NALF1: variants seen among roughly 807,000 people sequenced by gnomAD.
The protein encoded by NALF1 is NALCN channel auxiliary factor 1, also known as family with sequence similarity 155 member A.
A neutral mutation model predicts 48.4 loss-of-function variants in NALF1; 3 were observed. That is an observed-to-expected ratio of 0.06 (90% CI 0.03 to 0.16). The LOEUF is 0.16. NALF1 is among the 10% of genes least tolerant of loss of function. The pLI is 1.00. For missense variants in NALF1, 526 were observed against 571.5 expected (o/e 0.92, Z 0.81); for synonymous variants, 262 against 245.7 (o/e 1.07, Z -0.62).
chr13:107,266,726 C>CA lies in NALF1; in HGVS notation c.916-55972dup, dbSNP rs1169204466. Among the ~76,000 whole-genome samples, 6 of 152,044 alleles carry CA rather than the reference C, an allele frequency of 3.9e-5. No homozygotes were observed. The South Asian group carries it at 1.0e-3, about 26-fold the overall frequency. On this transcript the variant is annotated intron_variant, in intron 1 of 2. Coordinates refer to ENST00000375915, the MANE Select transcript of NALF1 (RefSeq NM_001080396.3). ...CACCTCACAATGCAATTTTTAGGGT[C>CA]AAAAAAACCCACAGGAAATAAAAGT...
intron 1 of NALF1, among the ~76,000 whole-genome samples, chr13:107,223,714 A>G (rs1023373383): frequency 9.2e-5 from 14 of 152,196 alleles, no homozygotes; most frequent in African/African-American, 3.1e-4. Flanking sequence ...CTGTGAAGTT[A>G]GTATAATACA....
rs560917884 is a variant in NALF1 at position 107,295,160 on chromosome 13, T to C, written c.916-84405A>G. ...CTTGTCCCCTTCCCCACTCTTGTAGTTCCTGGTGTCTCTTGTGCCCATCTT... is the reference window on the plus strand; with the variant it reads ...CTTGTCCCCTTCCCCACTCTTGTAGCTCCTGGTGTCTCTTGTGCCCATCTT... On this transcript the variant is annotated intron_variant, in intron 1 of 2. Transcript: ENST00000375915. Among the ~76,000 whole-genome samples the C allele has an allele frequency of 7.2e-5, 11 of 152,268 alleles. 1 individual carries two copies. In the South Asian group the frequency reaches 1.0e-3, roughly 14 times the overall value.
At chr13:107,372,423 C>T (rs35215714) in intron 1 of NALF1, among the ~76,000 whole-genome samples, 12,536 of 152,244 alleles carry the variant, frequency 0.082, 556 homozygotes, top group Non-Finnish European at 0.097. Context: ...TTATAATTTG[C>T]GTATAACCAC....
intron 1 of NALF1, among the ~76,000 whole-genome samples, chr13:107,817,740 C>T (rs1300032494): frequency 6.6e-6 from 1 of 152,176 alleles, no homozygotes; most frequent in Non-Finnish European, 1.5e-5. Flanking sequence ...CTCCAGGGTG[C>T]TTCCATGGTA....
intron 1 of NALF1, among the ~76,000 whole-genome samples, chr13:107,460,789 T>C (rs1157450312): frequency 2.0e-5 from 3 of 152,230 alleles, no homozygotes; most frequent in African/African-American, 7.2e-5. Flanking sequence ...AACAAAATTA[T>C]TCTTAAAATA....
At chr13:107,677,311 G>A (rs140866773) in intron 1 of NALF1, among the ~76,000 whole-genome samples, 4,035 of 152,260 alleles carry the variant, frequency 0.027, 180 homozygotes, top group African/African-American at 0.093. Flanking sequence ...CAAAGTGCTG[G>A]GATTACAGGC....
At chr13:107,620,423 G>T (rs926969773) in intron 1 of NALF1, among the ~76,000 whole-genome samples, 2 of 152,142 alleles carry the variant, frequency 1.3e-5, no homozygotes, top group African/African-American at 4.8e-5. Context: ...AATTCTAAGA[G>T]GAACAGAAAA....
chr13:107,531,054 G>A (rs1441321180), intron 1 of NALF1: 1 of 154,394 alleles, frequency 6.5e-6, no homozygotes, highest in Non-Finnish European at 1.5e-5. Flanking sequence ...TATTTTATTA[G>A]GATGCATTCC....
chr13:107,298,471 C>G (rs983171630), intron 1 of NALF1, among the ~76,000 whole-genome samples: 3 of 150,254 alleles, frequency 2.0e-5, no homozygotes, highest in African/African-American at 4.9e-5. Flanking sequence ...CTCACTCTGT[C>G]GCCAGGCTAG....
chr13:107,577,762 G>T (rs1878194700), intron 1 of NALF1, among the ~76,000 whole-genome samples: 2 of 152,022 alleles, frequency 1.3e-5, no homozygotes, highest in Admixed American at 1.3e-4. Flanking sequence ...TCCCACCCAA[G>T]CCCATAAGCT....
intron 2 of NALF1, among the ~76,000 whole-genome samples, chr13:107,172,257 C>T (rs1022329585): frequency 6.6e-6 from 1 of 152,146 alleles, no homozygotes; most frequent in Non-Finnish European, 1.5e-5. Context: ...TTAATTATAG[C>T]AATTATTCTT....
intron 2 of NALF1, among the ~76,000 whole-genome samples, chr13:107,202,493 TC>T (rs1336088124): frequency 6.6e-6 from 1 of 151,954 alleles, no homozygotes; most frequent in East Asian, 1.9e-4. Context: ...TTAGCTCTGT[TC>T]TTACCCTTTA....
At chr13:107,351,052 T>C (rs1882863515) in intron 1 of NALF1, among the ~76,000 whole-genome samples, 1 of 152,234 alleles carries the variant, frequency 6.6e-6, no homozygotes, top group African/African-American at 2.4e-5. Context: ...ACTATCAAGC[T>C]TTCCTTTGTT....
intron 1 of NALF1, among the ~76,000 whole-genome samples, chr13:107,456,102 T>C (rs143083428): frequency 3.3e-5 from 5 of 152,324 alleles, no homozygotes; most frequent in Non-Finnish European, 4.4e-5. Context: ...TGAAGCCTTA[T>C]TGAAGGGTAG....
intron 1 of NALF1, among the ~76,000 whole-genome samples, chr13:107,770,666 T>G (rs1203769020): frequency 1.3e-5 from 2 of 152,202 alleles, no homozygotes; most frequent in Non-Finnish European, 1.5e-5. Context: ...AATGCAGGGT[T>G]TACTAACAGC....
chr13:107,331,965 T>C (rs1468291941), intron 1 of NALF1, among the ~76,000 whole-genome samples: 1 of 152,206 alleles, frequency 6.6e-6, no homozygotes, highest in South Asian at 2.1e-4. Flanking sequence ...CTCAGCATCC[T>C]ATGTATACTG....
intron 1 of NALF1, among the ~76,000 whole-genome samples, chr13:107,460,619 A>G (rs1180344669): frequency 6.6e-6 from 1 of 152,180 alleles, no homozygotes; most frequent in Non-Finnish European, 1.5e-5. Context: ...ATTTCGACCT[A>G]GTGCTGTCTT....
intron 1 of NALF1, among the ~76,000 whole-genome samples, chr13:107,368,365 G>A (rs555809407): frequency 1.3e-5 from 2 of 149,272 alleles, no homozygotes; most frequent in South Asian, 4.2e-4. Context: ...TGCCCAGGCT[G>A]GAGTGCAATG....
At chr13:107,215,984 T>A (rs1282839408) in intron 1 of NALF1, among the ~76,000 whole-genome samples, 1 of 152,368 alleles carries the variant, frequency 6.6e-6, no homozygotes, top group African/African-American at 2.4e-5. Flanking sequence ...TCATGTTGGC[T>A]ATATATTTTA....
Sources: gnomAD v4.1 joint callset for allele counts (sites outside exome capture counted in the v4.1 genomes callset) on GRCh38, gnomAD v4.1.1 for gene constraint, MANE v1.5 for transcripts, NCBI Gene and HGNC (gene_info 2026-07-23, HGNC 2026-07-21) for gene names.